Variants in ZRANB3 observed in about 807,000 individuals in gnomAD.
ZRANB3 encodes zinc finger RANBP2-type containing 3, also known as DNA annealing helicase and endonuclease ZRANB3.
Under a neutral mutation model 133.8 loss-of-function variants are expected in ZRANB3, and 125 were observed. The observed-to-expected ratio is 0.93, with a 90% confidence interval of 0.81 to 1.08. ZRANB3 has a LOEUF of 1.08. Among genes scored for constraint, ZRANB3 ranks in the 50% least tolerant of loss-of-function variants. The probability of loss-of-function intolerance (pLI) is 0.00; values close to 1 mark genes in which losing one functional copy is unlikely to be tolerated. For missense variants in ZRANB3, 1,229 were observed against 1,275.5 expected, an observed-to-expected ratio of 0.96 and a Z score of 0.56; for synonymous variants, 387 against 432.7, an observed-to-expected ratio of 0.89 and a Z score of 1.31.
intron 2 of ZRANB3, among the ~76,000 whole-genome samples, chr2:135,424,590 G>A (rs6761011): frequency 0.1 from 15,950 of 151,996 alleles, 1,099 homozygotes; most frequent in South Asian, 0.32. Flanking sequence ...AAAATTAGCC[G>A]AGCATGGTGG....
chr2:135,487,159 G>A (rs112683995), intron 2 of ZRANB3, among the ~76,000 whole-genome samples: 1 of 152,296 alleles, frequency 6.6e-6, no homozygotes, highest in South Asian at 2.1e-4. Flanking sequence ...TGGGTGACCA[G>A]GTCCATTGTC....
chr2:135,281,048 C>T (rs549377567), intron 8 of ZRANB3, among the ~76,000 whole-genome samples: 1 of 152,300 alleles, frequency 6.6e-6, no homozygotes, highest in Admixed American at 6.5e-5. Context: ...GATGTCTCCT[C>T]TTAGTAATTT....
chr2:135,498,401 T>C (rs1339903882), intron 2 of ZRANB3, among the ~76,000 whole-genome samples: 1 of 152,222 alleles, frequency 6.6e-6, no homozygotes, highest in African/African-American at 2.4e-5. Context: ...GAAGATTTCA[T>C]GGACACTTAT....
chr2:135,423,645 T>C (rs1361047337), intron 2 of ZRANB3, among the ~76,000 whole-genome samples: 1 of 152,066 alleles, frequency 6.6e-6, no homozygotes, highest in East Asian at 1.9e-4. Context: ...ACCCAGAGGA[T>C]TTATAGAGTT....
At chr2:135,275,514 A>T (rs1680765557) in intron 9 of ZRANB3, 122 bp downstream of exon 9, 1 of 684,810 alleles carries the variant, frequency 1.5e-6, no homozygotes, top group Admixed American at 4.1e-5. Flanking sequence ...AAAATGTGTG[A>T]TAATTTATAT....
At chr2:135,272,587 G>GT (rs560087533) in intron 9 of ZRANB3, among the ~76,000 whole-genome samples, 117 of 151,566 alleles carry the variant, frequency 7.7e-4, no homozygotes, top group African/African-American at 2.5e-3. Context: ...CTAATTTTTT[G>GT]TATTTTTAGT....
chr2:135,231,270 T>C (rs1694999943), intron 12 of ZRANB3, among the ~76,000 whole-genome samples: 1 of 152,124 alleles, frequency 6.6e-6, no homozygotes, highest in Non-Finnish European at 1.5e-5. Flanking sequence ...AGAGGTAAGA[T>C]AACTTGGTTA....
intron 2 of ZRANB3, among the ~76,000 whole-genome samples, chr2:135,491,219 C>A (rs1447086196): frequency 1.3e-5 from 2 of 152,084 alleles, no homozygotes; most frequent in African/African-American, 4.8e-5. Flanking sequence ...TTTAAATAAT[C>A]TGGTTTACAG....
chr2:135,369,776 C>T (rs1686090142), intron 3 of ZRANB3, among the ~76,000 whole-genome samples: 1 of 152,104 alleles, frequency 6.6e-6, no homozygotes, highest in Non-Finnish European at 1.5e-5. Flanking sequence ...GTTGCTCAGT[C>T]AATAAACTCC....
chr2:135,414,553 A>G (rs1256712333), intron 2 of ZRANB3, among the ~76,000 whole-genome samples: 1 of 152,184 alleles, frequency 6.6e-6, no homozygotes, highest in African/African-American at 2.4e-5. Flanking sequence ...AATGAGACAG[A>G]AAGTTAACAA....
At position 135,458,801 on chromosome 2, in the gene ZRANB3, T is replaced by A. The variant is rs147691758; in HGVS notation, c.161+45528A>T. Among the ~76,000 whole-genome samples, 217 of 152,274 alleles carry A rather than the reference T, an allele frequency of 1.4e-3. 1 individual carries two copies. The highest frequency in any genetic ancestry group is 5.1e-3 in the African/African-American group (210 of 41,568). On this transcript the variant is annotated intron_variant, in intron 2 of 20. Transcript: ENST00000264159. ...TTAAATTGAGTTGTAGGGTGATATG[T>A]GCTAAATTTATTATTTTGCTATTGT...
intron 2 of ZRANB3, among the ~76,000 whole-genome samples, chr2:135,432,051 G>A (rs570197390): frequency 7.0e-4 from 106 of 152,202 alleles, no homozygotes; most frequent in Non-Finnish European, 1.5e-4. Flanking sequence ...GGGAGTTCGA[G>A]ACCAACCTGA....
At chr2:135,206,842 A>G (rs1485233394) in intron 19 of ZRANB3, among the ~76,000 whole-genome samples, 1 of 152,080 alleles carries the variant, frequency 6.6e-6, no homozygotes, top group Non-Finnish European at 1.5e-5. Flanking sequence ...TCAAGAGTGA[A>G]AAGAAACGTT....
At chr2:135,341,912 T>TGCA (rs1354609728) in intron 6 of ZRANB3, among the ~76,000 whole-genome samples, 1 of 149,950 alleles carries the variant, frequency 6.7e-6, no homozygotes, top group East Asian at 1.9e-4. Context: ...AAGATGTTTA[T>TGCA]CAAAGATAAT....
At chr2:135,275,174 G>A (rs1224724291) in intron 9 of ZRANB3, among the ~76,000 whole-genome samples, 1 of 152,038 alleles carries the variant, frequency 6.6e-6, no homozygotes, top group Non-Finnish European at 1.5e-5. Context: ...TGGGCAGAGG[G>A]GCTCCTCACT....
chr2:135,425,219 A>T (rs1689016020), intron 2 of ZRANB3, among the ~76,000 whole-genome samples: 1 of 152,218 alleles, frequency 6.6e-6, no homozygotes, highest in Non-Finnish European at 1.5e-5. Context: ...GTGGTGAATA[A>T]AATCTCCAGG....
intron 2 of ZRANB3, among the ~76,000 whole-genome samples, chr2:135,441,823 T>C (rs985223946): frequency 1.6e-4 from 24 of 152,212 alleles, no homozygotes; most frequent in African/African-American, 5.8e-4. Context: ...AAAATTTACA[T>C]TGGTAAGCAA....
At chr2:135,428,242 A>G (rs1255114927) in intron 2 of ZRANB3, among the ~76,000 whole-genome samples, 1 of 152,078 alleles carries the variant, frequency 6.6e-6, no homozygotes, top group Non-Finnish European at 1.5e-5. Context: ...GAGGAGTTCA[A>G]GACCAGCCTG....
At chr2:135,275,295 G>A (rs1255300787) in intron 9 of ZRANB3, among the ~76,000 whole-genome samples, 2 of 147,650 alleles carry the variant, frequency 1.4e-5, no homozygotes, top group Non-Finnish European at 2.9e-5. Context: ...GGCCGGGCGG[G>A]GGCTGCCCCC....
Sources: allele counts gnomAD v4.1 joint callset (sites outside exome capture counted in the v4.1 genomes callset), GRCh38; gene constraint gnomAD v4.1.1; transcripts MANE v1.5; gene names NCBI Gene and HGNC (gene_info 2026-07-23, HGNC 2026-07-21).